Variants in BMPR1B observed in about 807,000 individuals in gnomAD.
BMPR1B encodes bone morphogenetic protein receptor type-1B.
Under a neutral mutation model 59.1 loss-of-function variants are expected in BMPR1B, and 12 were observed. The ratio of observed to expected loss-of-function variants is 0.20; its 90% CI spans 0.13 to 0.33. The LOEUF (loss-of-function observed/expected upper bound fraction) is 0.33, where lower values mean the gene tolerates loss of function less well. Ranked by LOEUF, BMPR1B falls within the 10% of genes least tolerant of loss-of-function variation. The probability of loss-of-function intolerance (pLI) is 1.00; values close to 1 mark genes in which losing one functional copy is unlikely to be tolerated. For synonymous variants in BMPR1B, 237 were observed against 207.3 expected, an observed-to-expected ratio of 1.14 and a Z score of -1.23; for missense variants, 550 against 610.9, an observed-to-expected ratio of 0.90 and a Z score of 1.05.
At chr4:94,895,957 T>C (rs1727569038) in intron 2 of BMPR1B, among the ~76,000 whole-genome samples, 1 of 151,972 alleles carries the variant, frequency 6.6e-6, no homozygotes, top group Admixed American at 6.6e-5. Flanking sequence ...GACACAAATA[T>C]ACATATATAT....
At chr4:95,047,268 AT>A in intron 3 of BMPR1B, among the ~76,000 whole-genome samples, 1 of 152,066 alleles carries the variant, frequency 6.6e-6, no homozygotes, top group Admixed American at 6.5e-5. Context: ...CCATAATGCC[AT>A]TTTTTTCTGT....
intron 2 of BMPR1B, among the ~76,000 whole-genome samples, chr4:94,969,495 T>G (rs1270727594): frequency 2.0e-5 from 3 of 152,224 alleles, no homozygotes; most frequent in African/African-American, 4.8e-5. Flanking sequence ...TTGGGTAGTA[T>G]TCTCAGAAAA....
intron 3 of BMPR1B, among the ~76,000 whole-genome samples, chr4:95,040,452 G>A (rs1363142824): frequency 6.6e-6 from 1 of 152,200 alleles, no homozygotes; most frequent in Non-Finnish European, 1.5e-5. Context: ...TGAAATAAGA[G>A]TTATAGCAAT....
At chr4:94,908,219 T>C (rs892100598) in intron 2 of BMPR1B, among the ~76,000 whole-genome samples, 7 of 151,902 alleles carry the variant, frequency 4.6e-5, no homozygotes, top group South Asian at 2.1e-4. Context: ...CTTTCTACAC[T>C]GAATTAGAAG....
intron 4 of BMPR1B, among the ~76,000 whole-genome samples, chr4:95,106,383 G>A (rs1731201500): frequency 6.6e-6 from 1 of 152,030 alleles, no homozygotes; most frequent in South Asian, 2.1e-4. Flanking sequence ...TTAGGTCAGG[G>A]AAATTGAACA....
chr4:94,779,165 T>C (rs1722497487), intron 1 of BMPR1B, among the ~76,000 whole-genome samples: 2 of 152,148 alleles, frequency 1.3e-5, no homozygotes, highest in South Asian at 4.1e-4. Flanking sequence ...TTTCTTGAGG[T>C]GTGAGTTAAG....
intron 1 of BMPR1B, among the ~76,000 whole-genome samples, chr4:94,860,675 TA>T (rs1725943091): frequency 6.6e-6 from 1 of 152,198 alleles, no homozygotes; most frequent in Non-Finnish European, 1.5e-5. Context: ...CCCCTGTCAA[TA>T]AGCATTGAGA....
At chr4:94,935,681 T>C (rs1729266754) in intron 2 of BMPR1B, among the ~76,000 whole-genome samples, 1 of 152,214 alleles carries the variant, frequency 6.6e-6, no homozygotes, top group Admixed American at 6.5e-5. Flanking sequence ...GAGAACTAAA[T>C]GGTGATATGG....
chr4:94,867,115 A>C (rs978150903), intron 1 of BMPR1B, among the ~76,000 whole-genome samples: 1 of 151,968 alleles, frequency 6.6e-6, no homozygotes, highest in Non-Finnish European at 1.5e-5. Context: ...ACTGGCTCTT[A>C]CCTGCGTCTT....
intron 3 of BMPR1B, among the ~76,000 whole-genome samples, chr4:95,090,736 A>G (rs1174388029): frequency 6.6e-6 from 1 of 152,054 alleles, no homozygotes; most frequent in Non-Finnish European, 1.5e-5. Context: ...TCTTAAATCA[A>G]TATGGACTAG....
At chr4:94,773,656 T>G (rs1267603840) in intron 1 of BMPR1B, among the ~76,000 whole-genome samples, 1 of 152,074 alleles carries the variant, frequency 6.6e-6, no homozygotes, top group Non-Finnish European at 1.5e-5. Flanking sequence ...CTGTATTAGA[T>G]TATAATGGCT....
chr4:95,036,372 C>CCT (rs1184458684), intron 3 of BMPR1B, among the ~76,000 whole-genome samples: 1 of 152,112 alleles, frequency 6.6e-6, no homozygotes, highest in Non-Finnish European at 1.5e-5. Context: ...CAAAACCCTT[C>CCT]CTAGTCTCTG....
intron 1 of BMPR1B, among the ~76,000 whole-genome samples, chr4:94,782,126 A>G (rs1722613122): frequency 6.6e-6 from 1 of 150,622 alleles, no homozygotes; most frequent in Non-Finnish European, 1.5e-5. Context: ...CCCCTTACAT[A>G]TATATGTGCT....
At chr4:94,979,931 C>T (rs1304426785) in intron 2 of BMPR1B, among the ~76,000 whole-genome samples, 1 of 152,182 alleles carries the variant, frequency 6.6e-6, no homozygotes, top group Non-Finnish European at 1.5e-5. Context: ...TTGCTTTCAG[C>T]AGCAACACTA....
chr4:95,063,143 AG>A (rs969372934), intron 3 of BMPR1B, among the ~76,000 whole-genome samples: 2 of 152,154 alleles, frequency 1.3e-5, no homozygotes, highest in African/African-American at 4.8e-5. Context: ...TAATAAAAAA[AG>A]ATCTAGGGGT....
intron 1 of BMPR1B, among the ~76,000 whole-genome samples, chr4:94,808,070 T>G (rs939539806): frequency 6.6e-6 from 1 of 152,238 alleles, no homozygotes; most frequent in Non-Finnish European, 1.5e-5. Context: ...TGTAAATCTC[T>G]ATTTTGCTAT....
chr4:94,883,546 G>T (rs907151141), intron 2 of BMPR1B, among the ~76,000 whole-genome samples: 1 of 151,722 alleles, frequency 6.6e-6, no homozygotes, highest in African/African-American at 2.4e-5. Context: ...AAATCAAGCA[G>T]CTCATTAATA....
intron 1 of BMPR1B, among the ~76,000 whole-genome samples, chr4:94,787,418 C>T (rs1331968205): frequency 6.6e-6 from 1 of 152,126 alleles, no homozygotes; most frequent in African/African-American, 2.4e-5. Context: ...TTATAAGGCC[C>T]TCATGTGACA....
chr4:95,015,325 C>A (rs1723510724), intron 3 of BMPR1B, among the ~76,000 whole-genome samples: 1 of 152,102 alleles, frequency 6.6e-6, no homozygotes, highest in Admixed American at 6.5e-5. Context: ...AATAGAAATA[C>A]CCTTGGTCCT....
Sources: allele counts gnomAD v4.1 joint callset (sites outside exome capture counted in the v4.1 genomes callset), GRCh38; gene constraint gnomAD v4.1.1; transcripts MANE v1.5; gene names NCBI Gene and HGNC (gene_info 2026-07-23, HGNC 2026-07-21).